SPIDR: variants seen among roughly 807,000 people sequenced by gnomAD.
SPIDR encodes the protein scaffold protein involved in DNA repair.
SPIDR carries 93 observed loss-of-function variants against 104.6 expected under a neutral mutation model. The observed-to-expected ratio is 0.89, with a 90% CI of 0.75 to 1.06. The LOEUF is 1.06. Among genes scored for constraint, SPIDR ranks in the 50% least tolerant of loss-of-function variants. The probability of loss-of-function intolerance (pLI) is 0.00; values close to 1 mark genes in which losing one functional copy is unlikely to be tolerated. For synonymous variants in SPIDR, 431 were observed against 416.9 expected (o/e 1.03, Z -0.41); for missense variants, 1,154 against 1,111.2 (o/e 1.04, Z -0.55).
intron 8 of SPIDR, among the ~76,000 whole-genome samples, chr8:47,555,375 A>G (rs1035833819): frequency 6.6e-6 from 1 of 152,164 alleles, no homozygotes; most frequent in Non-Finnish European, 1.5e-5. Context: ...TACTGTAGAG[A>G]TTCAATAAAT....
chr8:47,459,932 A>G (rs2073663005), intron 8 of SPIDR, among the ~76,000 whole-genome samples: 2 of 151,976 alleles, frequency 1.3e-5, no homozygotes, highest in South Asian at 4.1e-4. Flanking sequence ...ATTTCCATGT[A>G]TTTGCATGGT....
rs1284299310 is a variant in SPIDR at position 47,360,279 on chromosome 8, A to T, written c.526-36097A>T. Reference sequence around the variant, plus strand: ...AAAAAAAAAAAAAAAAAAGAAATAGAGGGACTGCCTTTCCCTGGAGAGAGG... The same window carrying T: ...AAAAAAAAAAAAAAAAAAGAAATAGTGGGACTGCCTTTCCCTGGAGAGAGG... On this transcript the variant is annotated intron_variant, in intron 5 of 19. Transcript: ENST00000297423. Among the ~76,000 whole-genome samples the T allele has an allele frequency of 2.8e-5, 4 of 142,696 alleles. No individual in the cohort carries two copies. In the East Asian group the frequency reaches 8.8e-4, roughly 32 times the overall value. The allele number at this position is 142,696 out of a possible 152,430, so 93.6% of individuals were successfully genotyped here.
intron 5 of SPIDR, among the ~76,000 whole-genome samples, chr8:47,349,313 G>A (rs1421027342): frequency 3.9e-5 from 6 of 152,190 alleles, no homozygotes; most frequent in Non-Finnish European, 7.3e-5. Context: ...AACAGCAAAT[G>A]TTGCTGCCTG....
intron 5 of SPIDR, among the ~76,000 whole-genome samples, chr8:47,368,775 G>A (rs1267219025): frequency 2.6e-5 from 4 of 152,150 alleles, no homozygotes; most frequent in Non-Finnish European, 5.9e-5. Context: ...GATGGAAAAG[G>A]TCTGTTCTGT....
intron 8 of SPIDR, among the ~76,000 whole-genome samples, chr8:47,573,259 G>C (rs571729684): frequency 1.6e-4 from 25 of 152,332 alleles, no homozygotes; most frequent in Non-Finnish European, 2.8e-4. Flanking sequence ...TGTGGGCACA[G>C]TAAGTGACTA....
intron 10 of SPIDR, among the ~76,000 whole-genome samples, chr8:47,637,116 G>A (rs988552930): frequency 1.3e-5 from 2 of 152,306 alleles, no homozygotes; most frequent in South Asian, 4.1e-4. Flanking sequence ...TTTCCTTAGT[G>A]TTTACCTAGT....
intron 10 of SPIDR, among the ~76,000 whole-genome samples, chr8:47,651,651 T>G (rs1228981563): frequency 6.6e-6 from 1 of 152,114 alleles, no homozygotes; most frequent in African/African-American, 2.4e-5. Context: ...CCTATACACA[T>G]ATATTTATTG....
At chr8:47,443,025 AAAT>A (rs200259083) in intron 8 of SPIDR, among the ~76,000 whole-genome samples, 2,090 of 152,284 alleles carry the variant, frequency 0.014, 49 homozygotes, top group Admixed American at 0.014. Context: ...TAGAGGCTTT[AAAT>A]GTAGGACATT....
At chr8:47,596,651 CTAAAT>C (rs1317645051) in intron 9 of SPIDR, among the ~76,000 whole-genome samples, 2 of 152,096 alleles carry the variant, frequency 1.3e-5, no homozygotes, top group East Asian at 3.9e-4. Context: ...TTGCACTACA[CTAAAT>C]TAAATTTTTT....
Position 47,343,133 on chromosome 8 carries a change from A to G in SPIDR, c.525+49103A>G, listed in dbSNP as rs140269683. Among the ~76,000 whole-genome samples, 633 of 152,294 alleles carry G rather than the reference A, an allele frequency of 4.2e-3. 5 individuals are homozygous for G. The highest frequency in any genetic ancestry group is 0.014 in the African/African-American group (599 of 41,554). On this transcript the variant is annotated intron_variant, in intron 5 of 19. Coordinates refer to ENST00000297423, the MANE Select transcript of SPIDR (RefSeq NM_001080394.4). ...TTTTTAAATACCCAATAAAAATTCT[A>G]GTGTTTGAGAATACAGAGTGCCTTT...
rs531103261 is a variant in SPIDR, at chr8:47,503,416, T to C, written c.1097+62874T>C. ...TGGCCTTCTTTGTCTCTTTTGATCTTTGTTGGTTTAAAGTCTGTTTTATCA... is the reference window on the plus strand; with the variant it reads ...TGGCCTTCTTTGTCTCTTTTGATCTCTGTTGGTTTAAAGTCTGTTTTATCA... On this transcript the variant is annotated intron_variant, in intron 8 of 19. Transcript: ENST00000297423. Among the ~76,000 whole-genome samples, 156 of 152,318 alleles carry C rather than the reference T, an allele frequency of 1.0e-3. 1 individual carries two copies. The highest frequency in any genetic ancestry group is 2.0e-3 in the Admixed American group (31 of 15,312).
chr8:47,329,152 C>A (rs2048220320), intron 5 of SPIDR, among the ~76,000 whole-genome samples: 3 of 151,538 alleles, frequency 2.0e-5, no homozygotes, highest in African/African-American at 4.9e-5. Flanking sequence ...CTCACTGCAA[C>A]CTCCGCCTCC....
chr8:47,263,055 C>T (rs1456610188), intron 1 of SPIDR, among the ~76,000 whole-genome samples: 1 of 152,140 alleles, frequency 6.6e-6, no homozygotes. Context: ...TTTAACAGTC[C>T]TGTGAGGTAG....
At chr8:47,590,581 T>C (rs931752446) in intron 8 of SPIDR, among the ~76,000 whole-genome samples, 7 of 152,230 alleles carry the variant, frequency 4.6e-5, no homozygotes, top group African/African-American at 1.7e-4. Flanking sequence ...ATGTGTCTTA[T>C]GGCACATGCA....
At chr8:47,587,803 T>TA (rs150378782) in intron 8 of SPIDR, among the ~76,000 whole-genome samples, 17 of 146,482 alleles carry the variant, frequency 1.2e-4, no homozygotes, top group Admixed American at 2.1e-4. Context: ...GAGATCAATT[T>TA]AAAAAAAAAA....
Position 47,511,551 on chromosome 8 carries a change from G to A in SPIDR, c.1097+71009G>A, listed in dbSNP as rs1368503642. The A allele has an allele frequency of 1.1e-5, 9 of 782,712 alleles. No homozygotes were observed. The Admixed American group carries it at 1.2e-4, about 10-fold the overall frequency. The allele number at this position is 782,712 out of a possible 1,614,324, so 48.5% of individuals were successfully genotyped here. ...CATCGGATGGGTCTCAGTAGCTTCT[G>A]AGTCCTCCATTATCCAGGCTGAATC... On this transcript the variant is annotated intron_variant, in intron 8 of 19. Transcript: ENST00000297423.
chr8:47,481,248 A>G (rs1250067202), intron 8 of SPIDR, among the ~76,000 whole-genome samples: 1 of 152,212 alleles, frequency 6.6e-6, no homozygotes, highest in African/African-American at 2.4e-5. Context: ...TTTGTATTGT[A>G]TGAGAGAGAT....
chr8:47,656,048 C>T (rs2072740320), intron 10 of SPIDR, among the ~76,000 whole-genome samples: 1 of 152,076 alleles, frequency 6.6e-6, no homozygotes, highest in African/African-American at 2.4e-5. Flanking sequence ...TGCCTCATAC[C>T]ATACACAAAA....
rs988870876 is a variant in SPIDR at position 47,735,712 on chromosome 8, G to T, written c.*262G>T. 2 of 808,152 alleles carry T rather than the reference G, an allele frequency of 2.5e-6. No homozygotes were observed. The highest frequency in any genetic ancestry group is 1.9e-6 in the Non-Finnish European group (1 of 538,978). 50.1% of individuals were successfully genotyped at this position (808,152 alleles called of 1,614,324 possible). ...TTTTCACATTGAATCTTAAGTTTAA[G>T]CTCTTCATTTGGTATTTAGGCAATA... On this transcript the variant is annotated 3_prime_UTR_variant, in exon 20 of 20. Coordinates refer to ENST00000297423, the MANE Select transcript of SPIDR (RefSeq NM_001080394.4).
Sources: allele counts gnomAD v4.1 joint callset (sites outside exome capture counted in the v4.1 genomes callset), GRCh38; gene constraint gnomAD v4.1.1; transcripts MANE v1.5; gene names NCBI Gene and HGNC (gene_info 2026-07-23, HGNC 2026-07-21).